PLCG2: variants seen among roughly 807,000 people sequenced by gnomAD.
PLCG2 encodes 1-phosphatidylinositol 4,5-bisphosphate phosphodiesterase gamma-2.
Under a neutral mutation model 175.6 loss-of-function variants are expected in PLCG2, and 69 were observed. That is an observed-to-expected ratio of 0.39 (90% CI 0.32 to 0.48). PLCG2 has a LOEUF of 0.48. Ranked by LOEUF, PLCG2 falls within the 20% of genes least tolerant of loss-of-function variation. The pLI is 0.91. For missense variants in PLCG2, 1,798 were observed against 1,650.9 expected (o/e 1.09, Z -1.54); for synonymous variants, 827 against 624.0 (o/e 1.33, Z -4.85).
chr16:81,912,874 A>T (rs1909691903), intron 19 of PLCG2, among the ~76,000 whole-genome samples, 158 bp downstream of exon 19: 2 of 152,226 alleles, frequency 1.3e-5, no homozygotes, highest in Non-Finnish European at 2.9e-5. Context: ...CCGCTGCGAG[A>T]ATGTGCGCTC....
At chr16:81,748,947 T>G (rs1909754869) in intron 1 of PLCG2, among the ~76,000 whole-genome samples, 2 of 152,196 alleles carry the variant, frequency 1.3e-5, no homozygotes, top group Non-Finnish European at 1.5e-5. Flanking sequence ...CCTTCCCTCC[T>G]GCAGGGGACC....
At chr16:81,911,388 G>T (rs189769698) in intron 18 of PLCG2, among the ~76,000 whole-genome samples, 1 of 152,250 alleles carries the variant, frequency 6.6e-6, no homozygotes, top group East Asian at 1.9e-4. Flanking sequence ...GGCAATAACT[G>T]TGCCTCCCTG....
chr16:81,952,543 G>C (rs916240591), intron 31 of PLCG2, among the ~76,000 whole-genome samples: 5 of 152,166 alleles, frequency 3.3e-5, no homozygotes, highest in Admixed American at 3.3e-4. Flanking sequence ...AAAAATGGTG[G>C]AAGCACATCA....
chr16:81,916,252 A>T (rs11861143), intron 19 of PLCG2, among the ~76,000 whole-genome samples: 8,110 of 151,938 alleles, frequency 0.053, 251 homozygotes, highest in African/African-American at 0.087. Flanking sequence ...GCTTAAAGCA[A>T]TATATTTTTT....
At chr16:81,899,596 G>A (rs1436356206) in intron 13 of PLCG2, among the ~76,000 whole-genome samples, 1 of 152,118 alleles carries the variant, frequency 6.6e-6, no homozygotes, top group East Asian at 1.9e-4. Context: ...GCTTCAACAA[G>A]TGTCCTCACC....
At chr16:81,759,057 G>A (rs12924563) in intron 2 of PLCG2, among the ~76,000 whole-genome samples, 83,140 of 151,972 alleles carry the variant, frequency 0.55, 23,018 homozygotes, top group Middle Eastern at 0.6. Flanking sequence ...CATTTCCCAG[G>A]AAGTATCTTT....
intron 30 of PLCG2, among the ~76,000 whole-genome samples, chr16:81,944,271 G>T (rs1227272961): frequency 2.6e-5 from 4 of 152,138 alleles, no homozygotes; most frequent in Non-Finnish European, 5.9e-5. Context: ...TGGATCTGTG[G>T]ACTCAACCAA....
At chr16:81,917,552 C>T (rs879562100) in intron 19 of PLCG2, among the ~76,000 whole-genome samples, 1 of 152,172 alleles carries the variant, frequency 6.6e-6, no homozygotes, top group Admixed American at 6.5e-5. Flanking sequence ...TCCCCACCAG[C>T]ACTTCTCCTT....
intron 2 of PLCG2, among the ~76,000 whole-genome samples, chr16:81,834,728 C>T (rs1327314475): frequency 6.6e-6 from 1 of 152,160 alleles, no homozygotes; most frequent in Non-Finnish European, 1.5e-5. Flanking sequence ...ACCCACTGGA[C>T]CAAGGCATGG....
chr16:81,852,671 A>C (rs555955985), intron 2 of PLCG2, among the ~76,000 whole-genome samples: 1 of 152,282 alleles, frequency 6.6e-6, no homozygotes, highest in Non-Finnish European at 1.5e-5. Context: ...TCTGTTATCT[A>C]TTGCTATACA....
intron 9 of PLCG2, among the ~76,000 whole-genome samples, chr16:81,886,811 G>A (rs933730136): frequency 7.9e-5 from 12 of 152,306 alleles, no homozygotes; most frequent in Non-Finnish European, 7.3e-5. Flanking sequence ...GTGTGGGGCC[G>A]AGTATAGAGT....
At chr16:81,897,024 G>C (rs898649811) in intron 13 of PLCG2, among the ~76,000 whole-genome samples, 2 of 152,322 alleles carry the variant, frequency 1.3e-5, no homozygotes, top group South Asian at 4.1e-4. Context: ...TGGGCCCTGT[G>C]GTCTCTGTTG....
At chr16:81,861,090 C>T (rs1438102486) in intron 5 of PLCG2, among the ~76,000 whole-genome samples, 1 of 152,118 alleles carries the variant, frequency 6.6e-6, no homozygotes, top group Admixed American at 6.5e-5. Context: ...ATTTATTGAA[C>T]AACCGTGTAT....
At chr16:81,804,706 C>G (rs1183443446) in intron 2 of PLCG2, among the ~76,000 whole-genome samples, 1 of 152,140 alleles carries the variant, frequency 6.6e-6, no homozygotes, top group Non-Finnish European at 1.5e-5. Flanking sequence ...TATTTGGTGA[C>G]CGTTTTCCCA....
intron 19 of PLCG2, among the ~76,000 whole-genome samples, chr16:81,916,685 T>C (rs1909857012): frequency 2.0e-5 from 3 of 152,144 alleles, no homozygotes; most frequent in Admixed American, 2.0e-4. Context: ...TTGCCCAGTC[T>C]GGAGTGCAGG....
chr16:81,944,664 G>T (rs1368972907), intron 30 of PLCG2, among the ~76,000 whole-genome samples: 1 of 152,060 alleles, frequency 6.6e-6, no homozygotes, highest in Non-Finnish European at 1.5e-5. Flanking sequence ...TTGTAGAGAT[G>T]GGGGTCTTGC....
intron 4 of PLCG2, among the ~76,000 whole-genome samples, 161 bp from the exon 5 acceptor site, chr16:81,858,955 C>G (rs1442875359): frequency 6.6e-6 from 1 of 152,228 alleles, no homozygotes; most frequent in Non-Finnish European, 1.5e-5. Flanking sequence ...CTTTTCCACA[C>G]TAGGAGGAAA....
In PLCG2 at chr16:81,958,715, A is replaced by C. The variant is rs1469035669; in HGVS notation, c.*717A>C. The C allele has an allele frequency of 4.5e-6, 1 of 221,766 alleles. No homozygotes were observed. Among genetic ancestry groups the C allele is most frequent in the Admixed American group, 5.7e-5 (1 of 17,422 alleles). 13.7% of individuals were successfully genotyped at this position (221,766 alleles called of 1,614,324 possible). The stretch of plus-strand genomic sequence containing the variant: ...GAGACCAGAGCCGTGCTGCAGGGGC[A>C]GGTTCTCACTTGCCCCTGGCTCTGC... On this transcript the variant is annotated 3_prime_UTR_variant, in exon 33 of 33. Transcript: ENST00000564138.
chr16:81,897,096 T>A lies in PLCG2; in HGVS notation c.1193+1169T>A, dbSNP rs1331499720. On this transcript the variant is annotated intron_variant, in intron 13 of 32. Transcript: ENST00000564138. ...CATGGGCAAGAGGTAAACACATGAGTCTGGCTGTGTTCCAGTTAAAACTTG... is the reference window on the plus strand; with the variant it reads ...CATGGGCAAGAGGTAAACACATGAGACTGGCTGTGTTCCAGTTAAAACTTG... 3.3e-5 allele frequency among the ~76,000 whole-genome samples: 5 copies of A among 152,032 alleles called. 1 individual carries two copies. Among genetic ancestry groups the A allele is most frequent in the Non-Finnish European group, 7.4e-5 (5 of 68,018 alleles).
Sources: allele counts gnomAD v4.1 joint callset (sites outside exome capture counted in the v4.1 genomes callset), GRCh38; gene constraint gnomAD v4.1.1; transcripts MANE v1.5; gene names NCBI Gene and HGNC (gene_info 2026-07-23, HGNC 2026-07-21).